Variants in P3H4 observed in about 807,000 individuals in gnomAD.
P3H4 encodes prolyl 3-hydroxylase family member 4 (inactive).
In P3H4, 47 loss-of-function variants were observed where a neutral mutation model predicts 52.9. The observed-to-expected ratio is 0.89, with a 90% CI of 0.70 to 1.13. The LOEUF is 1.13. P3H4 is among the 50% of genes most tolerant of loss of function. The pLI is 0.00. For synonymous variants in P3H4, 256 were observed against 267.9 expected, an observed-to-expected ratio of 0.96 and a Z score of 0.44; for missense variants, 585 against 611.0, an observed-to-expected ratio of 0.96 and a Z score of 0.45.
intron 3 of P3H4, 188 bp downstream of exon 3, chr17:41,810,675 C>T: frequency 1.6e-6 from 1 of 640,502 alleles, no homozygotes. Context: ...ACTGCCTCTA[C>T]TCACTGATCC....
Position 41,802,936 on chromosome 17 carries a change from GC to G in P3H4, c.*20del. 1.9e-6 allele frequency: 3 copies of G among 1,610,222 alleles called. No individual in the cohort carries two copies. In the Admixed American group the frequency reaches 5.1e-5, roughly 27 times the overall value. On this transcript the variant is annotated 3_prime_UTR_variant, in exon 8 of 8. Transcript: ENST00000393928. ...TCGGCACCAGGCTTCCCAAGCTTGAGCGGTGTGGGGTGTCCCCTTCTCATGC... is the reference window on the plus strand; with the variant it reads ...TCGGCACCAGGCTTCCCAAGCTTGAGGGTGTGGGGTGTCCCCTTCTCATGC...
Position 41,807,890 on chromosome 17 carries a change from C to T in P3H4, c.1031G>A (p.Gly344Asp), listed in dbSNP as rs782363129. The change falls in exon 5 of 8, where the codon GGC (glycine) becomes GAC (aspartate). Residue 344 changes from glycine (G) to aspartate (D), a missense_variant. Coordinates refer to ENST00000393928, the MANE Select transcript of P3H4 (RefSeq NM_006455.3). ...VYYRFHRARWGLEEEDFQPRE... is the reference protein window; with the variant it reads ...VYYRFHRARWDLEEEDFQPRE... ...GGGCTGGAAGTCCTCCTCTTCCAGG[C>T]CCCAGCGAGCCCGGTGGAACCGGTA... 1.2e-6 allele frequency: 2 copies of T among 1,613,858 alleles called. No homozygotes were observed. The highest frequency in any genetic ancestry group is 4.5e-5 in the East Asian group (2 of 44,884).
chr17:41,805,782 G>T (rs1193193808), intron 6 of P3H4, among the ~76,000 whole-genome samples: 5 of 152,164 alleles, frequency 3.3e-5, no homozygotes, highest in African/African-American at 1.2e-4. Context: ...CCTCATCCTG[G>T]GTGCTGACGG....
At chr17:41,805,025 C>T (rs1164553794) in intron 6 of P3H4, among the ~76,000 whole-genome samples, 3 of 151,558 alleles carry the variant, frequency 2.0e-5, no homozygotes, top group Non-Finnish European at 4.4e-5. Context: ...GTGGCTCACA[C>T]CTGTAATCCC....
At chr17:41,803,082 G>C in intron 7 of P3H4, 103 bp from the exon 8 acceptor site, 28 of 1,454,970 alleles carry the variant, frequency 1.9e-5, no homozygotes, top group Non-Finnish European at 2.3e-5. Context: ...CCCCCGGACA[G>C]GTCTCAGCTG....
intron 4 of P3H4, 88 bp from the exon 5 acceptor site, chr17:41,808,092 C>T: frequency 6.7e-7 from 1 of 1,489,666 alleles, no homozygotes; most frequent in Non-Finnish European, 9.0e-7. Context: ...ACCCCTGCTA[C>T]CCAGCCACCT....
chr17:41,805,344 C>G (rs142553639), intron 6 of P3H4, among the ~76,000 whole-genome samples: 1 of 149,486 alleles, frequency 6.7e-6, no homozygotes, highest in Non-Finnish European at 1.5e-5. Flanking sequence ...TCTCTTTTTT[C>G]GAGACAGAGT....
At chr17:41,803,553 C>G (rs924688343) in intron 6 of P3H4, 122 bp from the exon 7 acceptor site, 6 of 852,702 alleles carry the variant, frequency 7.0e-6, no homozygotes, top group African/African-American at 1.7e-5. Flanking sequence ...CCCTCCCCCT[C>G]CCCAGTCTCA....
chr17:41,811,082 C>T lies in P3H4; in HGVS notation c.616-48G>A. 1 of 1,609,892 alleles carries T rather than the reference C, an allele frequency of 6.2e-7. No homozygotes were observed. The highest frequency in any genetic ancestry group is 8.5e-7 in the Non-Finnish European group (1 of 1,176,736). On this transcript the variant is annotated intron_variant, in intron 2 of 7. Coordinates refer to ENST00000393928, the MANE Select transcript of P3H4 (RefSeq NM_006455.3). The surrounding 1 kb of genome is among the most constrained non-coding windows in gnomAD (Gnocchi z 4.8). Reference sequence around the variant, plus strand: ...AGTCAGGGCGCCCCCAACATCTCCCCTCCTCTACTAGCCCTCCTCTACAAG... The same window carrying T: ...AGTCAGGGCGCCCCCAACATCTCCCTTCCTCTACTAGCCCTCCTCTACAAG...
intron 6 of P3H4, among the ~76,000 whole-genome samples, chr17:41,805,176 A>G (rs1276342635): frequency 6.7e-6 from 1 of 148,624 alleles, no homozygotes; most frequent in Non-Finnish European, 1.5e-5. Context: ...GGTCCCAGCT[A>G]CTTGGGAGGC....
intron 6 of P3H4, among the ~76,000 whole-genome samples, chr17:41,804,256 C>T (rs2047650013): frequency 6.6e-6 from 1 of 151,982 alleles, no homozygotes; most frequent in Admixed American, 6.6e-5. Context: ...CCGCCAGGAC[C>T]ATGACTTTCA....
At chr17:41,806,970 C>A in intron 5 of P3H4, 91 bp from the exon 6 acceptor site, 1 of 920,950 alleles carries the variant, frequency 1.1e-6, no homozygotes, top group Non-Finnish European at 1.7e-6. Context: ...GGCCCACTGG[C>A]CCTCTTCTAG....
intron 5 of P3H4, 51 bp from the exon 6 acceptor site, chr17:41,806,930 A>G: frequency 2.1e-6 from 3 of 1,459,528 alleles, no homozygotes; most frequent in Non-Finnish European, 2.9e-6. Flanking sequence ...CTGTTGCCAG[A>G]TGGCAAGAAG....
chr17:41,803,512 A>G, intron 6 of P3H4, 81 bp from the exon 7 acceptor site: 1 of 1,250,772 alleles, frequency 8.0e-7, no homozygotes, highest in Non-Finnish European at 1.1e-6. Context: ...GGCCAATGGG[A>G]CTTCCCATCC....
chr17:41,806,731 G>T, intron 6 of P3H4, 65 bp downstream of exon 6: 1 of 1,358,986 alleles, frequency 7.4e-7, no homozygotes, highest in Admixed American at 1.9e-5. Context: ...GCACACTGGT[G>T]GCCCCAGGAA....
intron 6 of P3H4, among the ~76,000 whole-genome samples, chr17:41,806,225 A>T (rs1214856041): frequency 6.6e-6 from 1 of 151,978 alleles, no homozygotes; most frequent in Non-Finnish European, 1.5e-5. Context: ...TCTCAAAAAA[A>T]AAAAATAAAT....
intron 4 of P3H4, 45 bp downstream of exon 4, chr17:41,809,661 T>TATC: frequency 1.2e-6 from 2 of 1,600,240 alleles, no homozygotes. Context: ...TCCTCTCCCT[T>TATC]ATCACCTCGT....
rs782098222 is a variant in P3H4, at chr17:41,811,141, C to T, written c.606G>A (p.Gln202=). 6 of 1,614,098 alleles carry T rather than the reference C, an allele frequency of 3.7e-6. No homozygotes were observed. The Admixed American group carries it at 1.0e-4, about 27-fold the overall frequency. ...TGACCCTCCACCCCACCTCGTAGGG[C>T]TGGGCCTCTAGGTCCGTGAGGGACT... is the stretch of plus-strand genomic sequence containing the variant. ...ADESLTDLEA[Q]PYEAVFLRAV... is the part of the protein sequence containing the mutation. Residue 202 remains glutamine, a synonymous_variant, in exon 2 of 8, where the codon CAG becomes CAA. Transcript: ENST00000393928. The surrounding 1 kb of genome is among the most constrained non-coding windows in gnomAD (Gnocchi z 4.8).
At chr17:41,808,121 C>A in intron 4 of P3H4, 117 bp from the exon 5 acceptor site, 1 of 1,290,362 alleles carries the variant, frequency 7.7e-7, no homozygotes, top group Non-Finnish European at 1.1e-6. Flanking sequence ...ACCTAATGGG[C>A]TCCTTATCCC....
Sources: allele counts gnomAD v4.1 joint callset (sites outside exome capture counted in the v4.1 genomes callset), GRCh38; gene constraint gnomAD v4.1.1; non-coding constraint Gnocchi (gnomAD v3.1); transcripts MANE v1.5; gene names NCBI Gene and HGNC (gene_info 2026-07-23, HGNC 2026-07-21).